IL21R: variants seen among roughly 807,000 people sequenced by gnomAD.
IL21R encodes the protein interleukin 21 receptor, also known as interleukin-21 receptor.
Under a neutral mutation model 41.3 loss-of-function variants are expected in IL21R, and 14 were observed. The observed-to-expected ratio is 0.34, with a 90% CI of 0.22 to 0.53. IL21R has a LOEUF of 0.53. Ranked by LOEUF, IL21R falls within the 20% of genes least tolerant of loss-of-function variation. The pLI is 0.94. For missense variants in IL21R, 588 were observed against 681.6 expected, an observed-to-expected ratio of 0.86 and a Z score of 1.53; for synonymous variants, 286 against 287.6, an observed-to-expected ratio of 0.99 and a Z score of 0.05.
rs376225149 is a variant in IL21R, at chr16:27,444,732, C to G, written c.685+13C>G. The G allele has an allele frequency of 2.0e-6, 3 of 1,474,694 alleles. No homozygotes were observed. Among genetic ancestry groups the G allele is most frequent in the Non-Finnish European group, 2.7e-6 (3 of 1,111,374 alleles). 91.4% of individuals were successfully genotyped at this position (1,474,694 alleles called of 1,614,324 possible). On this transcript the variant is annotated intron_variant, in intron 6 of 8. Coordinates refer to ENST00000337929, the MANE Select transcript of IL21R (RefSeq NM_181078.3). Reference sequence around the variant, plus strand: ...ACCCAGTCAGAGGGTAGGTGTGAAGCTGGGATGGACACCCCACTCCTGGTA... The same window carrying G: ...ACCCAGTCAGAGGGTAGGTGTGAAGGTGGGATGGACACCCCACTCCTGGTA...
At chr16:27,403,319 T>C in intron 1 of IL21R, 1 of 1,180,532 alleles carries the variant, frequency 8.5e-7, no homozygotes, top group Non-Finnish European at 1.1e-6. Context: ...AGAACATTCC[T>C]GGTGGAGGAG....
At chr16:27,414,293 AT>A (rs1336414552) in intron 1 of IL21R, among the ~76,000 whole-genome samples, 2 of 151,964 alleles carry the variant, frequency 1.3e-5, no homozygotes, top group Non-Finnish European at 2.9e-5. Context: ...TTCTGAACTT[AT>A]TAAATGATAA....
At chr16:27,418,373 T>C (rs1398107712) in intron 1 of IL21R, among the ~76,000 whole-genome samples, 1 of 146,032 alleles carries the variant, frequency 6.8e-6, no homozygotes, top group Non-Finnish European at 1.5e-5. Context: ...CGGCCCTATT[T>C]TATTTCATTT....
intron 5 of IL21R, 90 bp from the exon 6 acceptor site, chr16:27,444,452 A>G (rs575718124): frequency 1.1e-6 from 1 of 886,018 alleles, no homozygotes; most frequent in Admixed American, 4.0e-5. Flanking sequence ...AGCCCCTTTG[A>G]TGGAAGCTGG....
Position 27,433,768 on chromosome 16 carries a change from C to T in IL21R, c.50-579C>T, listed in dbSNP as rs551060577. Among the ~76,000 whole-genome samples the T allele has an allele frequency of 4.2e-4, 64 of 152,182 alleles. No individual in the cohort carries two copies. The South Asian group carries it at 0.013, about 31-fold the overall frequency. On this transcript the variant is annotated intron_variant, in intron 2 of 8. Transcript: ENST00000337929. ...ACGCAGACCTTTATGCAAAAGTGTC[C>T]GAGGGCTTTTTAATTCTCTCACGGT...
At chr16:27,418,815 T>C (rs903485031) in intron 1 of IL21R, among the ~76,000 whole-genome samples, 3 of 152,078 alleles carry the variant, frequency 2.0e-5, no homozygotes, top group African/African-American at 4.8e-5. Context: ...TGTACAGCTA[T>C]ACAAAATATT....
chr16:27,437,531 A>G lies in IL21R; in HGVS notation c.196A>G (p.Ser66Gly). 6.2e-7 allele frequency: 1 copy of G among 1,614,172 alleles called. No homozygotes were observed. Among genetic ancestry groups the G allele is most frequent in the Non-Finnish European group, 8.5e-7 (1 of 1,180,018 alleles). The stretch of plus-strand genomic sequence containing the variant: ...GCTGAAGGACGAGGCCACCTCCTGC[A>G]GCCTCCACAGGTCGGCCCACAATGC... ...EELKDEATSC[S>G]LHRSAHNATH... Residue 66 changes from serine (S) to glycine (G), a missense_variant, in exon 4 of 9, where the codon AGC becomes GGC. Physicochemically the swap from Ser to Gly is moderately conservative, Grantham distance 56. Transcript: ENST00000337929.
At position 27,413,738 on chromosome 16, in the gene IL21R, G is replaced by A. The variant is rs796668137; in HGVS notation, c.-17+11120G>A. ...GTATCCAATTCGTTGGCATATAATTGTTCATAGTAGTCTCTTAGAATCCTT... is the reference window on the plus strand; with the variant it reads ...GTATCCAATTCGTTGGCATATAATTATTCATAGTAGTCTCTTAGAATCCTT... On this transcript the variant is annotated intron_variant, in intron 1 of 8. Coordinates refer to ENST00000337929, the MANE Select transcript of IL21R (RefSeq NM_181078.3). Among the ~76,000 whole-genome samples, 4 of 152,034 alleles carry A rather than the reference G, an allele frequency of 2.6e-5. No homozygotes were observed. In the East Asian group the frequency reaches 5.8e-4, roughly 22 times the overall value.
intron 8 of IL21R, among the ~76,000 whole-genome samples, chr16:27,447,033 G>T (rs1258574381): frequency 6.6e-6 from 1 of 152,140 alleles, no homozygotes; most frequent in Non-Finnish European, 1.5e-5. Flanking sequence ...CACCCTTCCT[G>T]CCTCACTCAT....
intron 1 of IL21R, among the ~76,000 whole-genome samples, chr16:27,420,475 T>C (rs2086982030): frequency 6.6e-6 from 1 of 152,196 alleles, no homozygotes; most frequent in Non-Finnish European, 1.5e-5. Flanking sequence ...TCATTCACAC[T>C]TGTGATTGAT....
chr16:27,446,857 C>T (rs1434098392), intron 8 of IL21R, among the ~76,000 whole-genome samples: 3 of 152,250 alleles, frequency 2.0e-5, no homozygotes, highest in Non-Finnish European at 2.9e-5. Context: ...TGCCCATTTA[C>T]AGCCGTGTCA....
intron 1 of IL21R, chr16:27,403,213 G>A (rs1335408062): frequency 7.5e-7 from 1 of 1,339,240 alleles, no homozygotes; most frequent in Non-Finnish European, 9.8e-7. Context: ...CGGGGAACGG[G>A]TCGGATGGTA....
intron 1 of IL21R, among the ~76,000 whole-genome samples, chr16:27,420,411 C>A (rs1201453951): frequency 6.6e-6 from 1 of 152,216 alleles, no homozygotes; most frequent in African/African-American, 2.4e-5. Flanking sequence ...TGAAGAACTG[C>A]AAAACTGTTT....
rs1318412539 is a variant in IL21R at position 27,444,811 on chromosome 16, G to C, written c.685+92G>C. 5.0e-6 allele frequency: 6 copies of C among 1,199,512 alleles called. No individual in the cohort carries two copies. The African/African-American group carries it at 9.3e-5, about 19-fold the overall frequency. The allele number at this position is 1,199,512 out of a possible 1,614,324, so 74.3% of individuals were successfully genotyped here. ...AAGCCCTGAGCTTTCTGGCACAGCT[G>C]GGAGGTATTCAGTTGTTCATCCTCA... On this transcript the variant is annotated intron_variant, in intron 6 of 8. Transcript: ENST00000337929.
rs1596588918 is a variant in IL21R at position 27,437,699 on chromosome 16, G to C, written c.352+12G>C. On this transcript the variant is annotated intron_variant, in intron 4 of 8. Coordinates refer to ENST00000337929, the MANE Select transcript of IL21R (RefSeq NM_181078.3). ...CCTGGCTGAGAGCAGTGAGTATCCT[G>C]GGACCCCAGGCTTAGGGTGGCACTC... The C allele has an allele frequency of 6.2e-7, 1 of 1,611,256 alleles. No individual in the cohort carries two copies. Among genetic ancestry groups the C allele is most frequent in the Non-Finnish European group, 8.5e-7 (1 of 1,177,822 alleles).
chr16:27,415,531 A>G (rs767559723), intron 1 of IL21R, among the ~76,000 whole-genome samples: 12 of 152,234 alleles, frequency 7.9e-5, no homozygotes, highest in Non-Finnish European at 1.5e-4. Context: ...CCAAAGAATG[A>G]TAACATCTGC....
chr16:27,450,585 T>TC lies in IL21R; in HGVS notation c.*1302_*1303insC, dbSNP rs1191951596. On this transcript the variant is annotated 3_prime_UTR_variant, in exon 9 of 9. Transcript: ENST00000337929. Reference sequence around the variant, plus strand: ...TTCTTAGCAACATTTTCTTTTTCTTTTTTTTTTTTTTCTTTTGAGACAGAG... The same window carrying TC: ...TTCTTAGCAACATTTTCTTTTTCTTTCTTTTTTTTTTTCTTTTGAGACAGAG... The TC allele has an allele frequency of 9.3e-6, 2 of 215,168 alleles. No homozygotes were observed. The highest frequency in any genetic ancestry group is 2.3e-5 in the African/African-American group (1 of 44,110). 13.3% of individuals were successfully genotyped at this position (215,168 alleles called of 1,614,324 possible).
At chr16:27,430,209 A>T (rs1434171212) in intron 2 of IL21R, 89 bp downstream of exon 2, 29 of 1,090,736 alleles carry the variant, frequency 2.7e-5, no homozygotes, top group Non-Finnish European at 3.9e-5. Context: ...GCTCAAAAAC[A>T]CGGCTAGAGT....
chr16:27,450,582 C>CTTTTT lies in IL21R; in HGVS notation c.*1309_*1313dup, dbSNP rs553596346. 1 of 181,510 alleles carries CTTTTT rather than the reference C, an allele frequency of 5.5e-6. No homozygotes were observed. The highest frequency in any genetic ancestry group is 1.1e-5 in the Non-Finnish European group (1 of 88,384). The allele number at this position is 181,510 out of a possible 1,614,324, so 11.2% of individuals were successfully genotyped here. A position where few individuals can be genotyped will look rare whatever the true frequency, so the allele number is the denominator to read the frequency against. ...TATTTCTTAGCAACATTTTCTTTTTCTTTTTTTTTTTTTTCTTTTGAGACA... is the reference window on the plus strand; with the variant it reads ...TATTTCTTAGCAACATTTTCTTTTTCTTTTTTTTTTTTTTTTTTTCTTTTGAGACA... On this transcript the variant is annotated 3_prime_UTR_variant, in exon 9 of 9. Transcript: ENST00000337929.
Sources: gnomAD v4.1 joint callset for allele counts (sites outside exome capture counted in the v4.1 genomes callset) on GRCh38, gnomAD v4.1.1 for gene constraint, MANE v1.5 for transcripts, NCBI Gene and HGNC (gene_info 2026-07-23, HGNC 2026-07-21) for gene names.